Variants in FRMD4A observed in about 807,000 individuals in gnomAD.
FRMD4A encodes FERM domain-containing protein 4A.
In FRMD4A, 29 loss-of-function variants were observed where a neutral mutation model predicts 129.1. The observed-to-expected ratio is 0.22, with a 90% CI of 0.17 to 0.31. FRMD4A has a LOEUF of 0.31. Among genes scored for constraint, FRMD4A ranks in the 10% least tolerant of loss-of-function variants. The probability of loss-of-function intolerance (pLI) is 1.00; values close to 1 mark genes in which losing one functional copy is unlikely to be tolerated. For synonymous variants in FRMD4A, 634 were observed against 571.6 expected, an observed-to-expected ratio of 1.11 and a Z score of -1.56; for missense variants, 1,272 against 1,375.8, an observed-to-expected ratio of 0.92 and a Z score of 1.19.
intron 3 of FRMD4A, among the ~76,000 whole-genome samples, chr10:13,814,791 CAT>C (rs1397830628): frequency 6.6e-6 from 1 of 151,936 alleles, no homozygotes; most frequent in Non-Finnish European, 1.5e-5. Context: ...CCAGTGCTGG[CAT>C]AGTTTATCTA....
intron 14 of FRMD4A, among the ~76,000 whole-genome samples, chr10:13,697,482 C>T (rs137929077): frequency 8.5e-4 from 130 of 152,264 alleles, no homozygotes; most frequent in Non-Finnish European, 1.2e-3. Context: ...ATCACAGCGA[C>T]CTAACAGACT....
At chr10:13,820,767 C>T (rs996117792) in intron 3 of FRMD4A, among the ~76,000 whole-genome samples, 3 of 152,208 alleles carry the variant, frequency 2.0e-5, no homozygotes, top group Non-Finnish European at 4.4e-5. Context: ...CCACAGCCGC[C>T]GCTCTGTGCC....
At chr10:13,891,841 T>C in intron 2 of FRMD4A, 1 of 670,598 alleles carries the variant, frequency 1.5e-6, no homozygotes, top group Non-Finnish European at 1.8e-6. Context: ...GCGCCGAGCC[T>C]GGCCCGGCGC....
At chr10:14,021,395 A>T (rs953118668) in intron 2 of FRMD4A, among the ~76,000 whole-genome samples, 1 of 151,024 alleles carries the variant, frequency 6.6e-6, no homozygotes, top group African/African-American at 2.5e-5. Context: ...AAAAAAAAAA[A>T]ATAATAAAAA....
At chr10:14,165,881 A>T (rs993551808) in intron 2 of FRMD4A, among the ~76,000 whole-genome samples, 15 of 152,176 alleles carry the variant, frequency 9.9e-5, no homozygotes, top group African/African-American at 3.6e-4. Context: ...TGGGGCAAGG[A>T]CTGAAAATCT....
chr10:13,901,522 A>G (rs2094818715), intron 2 of FRMD4A, among the ~76,000 whole-genome samples: 1 of 151,828 alleles, frequency 6.6e-6, no homozygotes, highest in African/African-American at 2.4e-5. Context: ...AGGCAGCAGA[A>G]TCTCTGAGCC....
chr10:13,838,252 A>ATTTTT (rs905362746), intron 3 of FRMD4A, among the ~76,000 whole-genome samples: 1 of 125,998 alleles, frequency 7.9e-6, no homozygotes, highest in Non-Finnish European at 1.7e-5. Flanking sequence ...TGCAGAGCTA[A>ATTTTT]TTTTTTTTTT....
intron 2 of FRMD4A, among the ~76,000 whole-genome samples, chr10:14,264,250 A>G (rs769807682): frequency 2.6e-5 from 4 of 152,222 alleles, no homozygotes; most frequent in Non-Finnish European, 5.9e-5. Flanking sequence ...CACAAAGCAG[A>G]GCACAGGTCT....
intron 2 of FRMD4A, among the ~76,000 whole-genome samples, chr10:14,080,283 C>T (rs1002213916): frequency 5.3e-5 from 8 of 152,092 alleles, no homozygotes; most frequent in Admixed American, 2.0e-4. Flanking sequence ...CCATTCCCTG[C>T]CCCTCTTCAT....
At chr10:14,031,337 G>T (rs567342318) in intron 2 of FRMD4A, among the ~76,000 whole-genome samples, 1 of 151,210 alleles carries the variant, frequency 6.6e-6, no homozygotes, top group Non-Finnish European at 1.5e-5. Context: ...GCACAATCTC[G>T]GCTCACTGCA....
At chr10:14,059,523 C>G (rs576985757) in intron 2 of FRMD4A, among the ~76,000 whole-genome samples, 2 of 152,142 alleles carry the variant, frequency 1.3e-5, no homozygotes, top group Non-Finnish European at 2.9e-5. Flanking sequence ...GAGCAGACAG[C>G]GAGAAGGTGG....
chr10:14,163,274 T>C (rs1462658320), intron 2 of FRMD4A, among the ~76,000 whole-genome samples: 4 of 152,240 alleles, frequency 2.6e-5, no homozygotes, highest in African/African-American at 9.6e-5. Flanking sequence ...TCCCCATTTA[T>C]AAAATATGTC....
chr10:13,722,190 T>A (rs2089469373), intron 12 of FRMD4A, among the ~76,000 whole-genome samples: 1 of 151,636 alleles, frequency 6.6e-6, no homozygotes, highest in Non-Finnish European at 1.5e-5. Flanking sequence ...AGAGAAAGAA[T>A]TGGGTGGTTG....
intron 2 of FRMD4A, among the ~76,000 whole-genome samples, chr10:13,907,945 C>CA (rs1253119577): frequency 2.6e-5 from 4 of 151,094 alleles, no homozygotes; most frequent in African/African-American, 9.7e-5. Flanking sequence ...GCAGGCGGAT[C>CA]ACCTGAGGTC....
chr10:13,983,328 T>C (rs1022462455), intron 2 of FRMD4A, among the ~76,000 whole-genome samples: 3 of 151,638 alleles, frequency 2.0e-5, no homozygotes, highest in African/African-American at 7.3e-5. Context: ...AACCGTGAAA[T>C]TGACAAGCCA....
Position 13,993,851 on chromosome 10 carries a change from TTA to T in FRMD4A, c.46-134941_46-134940del, listed in dbSNP as rs1491219379. 8.8e-5 allele frequency among the ~76,000 whole-genome samples: 13 copies of T among 147,856 alleles called. No homozygotes were observed. In the East Asian group the frequency reaches 2.3e-3, roughly 27 times the overall value. ...ACCTGTCAGAATAGGTTTTTTTTTTTTAAAAAAATATATATTCTGATTTAGCA... is the reference window on the plus strand; with the variant it reads ...ACCTGTCAGAATAGGTTTTTTTTTTTAAAAAATATATATTCTGATTTAGCA... On this transcript the variant is annotated intron_variant, in intron 2 of 24. Transcript: ENST00000357447.
At chr10:14,316,723 G>T (rs1252015166) in intron 2 of FRMD4A, among the ~76,000 whole-genome samples, 1 of 152,156 alleles carries the variant, frequency 6.6e-6, no homozygotes, top group Non-Finnish European at 1.5e-5. Flanking sequence ...CAGCAATCTG[G>T]TGACCACATG....
At chr10:14,055,996 G>A (rs1333524813) in intron 2 of FRMD4A, among the ~76,000 whole-genome samples, 15 of 151,962 alleles carry the variant, frequency 9.9e-5, no homozygotes, top group Non-Finnish European at 2.1e-4. Context: ...GTGCAGTGGC[G>A]CGATCTCGGC....
At chr10:14,111,354 T>C (rs1230230233) in intron 2 of FRMD4A, among the ~76,000 whole-genome samples, 1 of 152,236 alleles carries the variant, frequency 6.6e-6, no homozygotes, top group African/African-American at 2.4e-5. Context: ...GTCTATGCCA[T>C]GGGTTTCCCT....
Sources: gnomAD v4.1 joint callset for allele counts (sites outside exome capture counted in the v4.1 genomes callset) on GRCh38, gnomAD v4.1.1 for gene constraint, MANE v1.5 for transcripts, NCBI Gene and HGNC (gene_info 2026-07-23, HGNC 2026-07-21) for gene names.